The following MRPS9 variants were observed in gnomAD, a reference collection of about 807,000 sequenced individuals.
The protein encoded by MRPS9 is mitochondrial ribosomal protein S9.
A neutral mutation model predicts 59.9 loss-of-function variants in MRPS9; 45 were observed. The ratio of observed to expected loss-of-function variants is 0.75; its 90% CI spans 0.59 to 0.96. The LOEUF (loss-of-function observed/expected upper bound fraction) is 0.96. Ranked by LOEUF, MRPS9 falls within the 40% of genes least tolerant of loss-of-function variation. MRPS9 has a pLI of 0.00. For missense variants in MRPS9, 473 were observed against 481.1 expected, an observed-to-expected ratio of 0.98 and a Z score of 0.16; for synonymous variants, 171 against 166.8, an observed-to-expected ratio of 1.03 and a Z score of -0.19.
At chr2:105,068,106 A>G (rs1399799559) in intron 2 of MRPS9, among the ~76,000 whole-genome samples, 1 of 152,194 alleles carries the variant, frequency 6.6e-6, no homozygotes, top group African/African-American at 2.4e-5. Context: ...CATTTCTCCA[A>G]GGTACTTGGT....
At chr2:105,060,829 G>A (rs1188382131) in intron 2 of MRPS9, among the ~76,000 whole-genome samples, 5 of 151,682 alleles carry the variant, frequency 3.3e-5, no homozygotes, top group Admixed American at 2.0e-4. Context: ...GTTAAATATC[G>A]TGCCGGGTGC....
intron 9 of MRPS9, among the ~76,000 whole-genome samples, chr2:105,096,549 G>A (rs1281107001): frequency 6.6e-6 from 1 of 152,156 alleles, no homozygotes; most frequent in Non-Finnish European, 1.5e-5. Flanking sequence ...CAGGGGTTGT[G>A]TAGAATGTCA....
At chr2:105,084,637 C>A (rs962357646) in intron 5 of MRPS9, among the ~76,000 whole-genome samples, 1 of 152,148 alleles carries the variant, frequency 6.6e-6, no homozygotes, top group African/African-American at 2.4e-5. Flanking sequence ...GATAGTGACC[C>A]TTCTCGCAGT....
intron 2 of MRPS9, among the ~76,000 whole-genome samples, chr2:105,056,118 GT>G (rs1679787092): frequency 1.3e-5 from 2 of 151,234 alleles, no homozygotes; most frequent in Non-Finnish European, 2.9e-5. Flanking sequence ...TATGTTATGT[GT>G]GAAGTGCCAT....
At chr2:105,067,884 G>T (rs1680033305) in intron 2 of MRPS9, among the ~76,000 whole-genome samples, 1 of 152,162 alleles carries the variant, frequency 6.6e-6, no homozygotes, top group South Asian at 2.1e-4. Flanking sequence ...CTATAGTGTA[G>T]TGATGCTGTC....
At chr2:105,070,266 G>T (rs1680089531) in intron 2 of MRPS9, among the ~76,000 whole-genome samples, 1 of 151,954 alleles carries the variant, frequency 6.6e-6, no homozygotes, top group Admixed American at 6.6e-5. Flanking sequence ...CACCGTGCCT[G>T]ACCTAGGTTT....
At chr2:105,046,283 G>A (rs1679592524) in intron 1 of MRPS9, among the ~76,000 whole-genome samples, 1 of 141,940 alleles carries the variant, frequency 7.0e-6, no homozygotes, top group Non-Finnish European at 1.5e-5. Context: ...TCAGCAGACA[G>A]ACCATCTTCT....
At chr2:105,067,828 A>C (rs1680031996) in intron 2 of MRPS9, among the ~76,000 whole-genome samples, 1 of 151,972 alleles carries the variant, frequency 6.6e-6, no homozygotes, top group African/African-American at 2.4e-5. Flanking sequence ...AAGCATTATC[A>C]TTATTCTTTT....
chr2:105,075,091 A>G (rs1421660051), intron 4 of MRPS9, among the ~76,000 whole-genome samples: 2 of 152,186 alleles, frequency 1.3e-5, no homozygotes, highest in Non-Finnish European at 2.9e-5. Flanking sequence ...AGATTCTCAT[A>G]AGGAGCATGC....
chr2:105,073,162 TTC>T, intron 4 of MRPS9, among the ~76,000 whole-genome samples: 1 of 152,256 alleles, frequency 6.6e-6, no homozygotes, highest in East Asian at 1.9e-4. Flanking sequence ...CCTCACCTAT[TTC>T]TCTCTCTCTT....
At chr2:105,042,962 C>T (rs1679526802) in intron 1 of MRPS9, among the ~76,000 whole-genome samples, 1 of 151,992 alleles carries the variant, frequency 6.6e-6, no homozygotes, top group Non-Finnish European at 1.5e-5. Context: ...TTCTCCCCTC[C>T]CACCCCCCAG....
rs1679429476 is a variant in MRPS9, at chr2:105,038,326, G to A, written c.135+99G>A. On this transcript the variant is annotated intron_variant, in intron 1 of 10. Transcript: ENST00000258455. ...CCAGCGTCTCGCGTGCCTTCAGGCA[G>A]GGACTCTAGGATCTTAGGTATTTAG... The A allele has an allele frequency of 8.2e-6, 12 of 1,470,120 alleles. No homozygotes were observed. In the Admixed American group the frequency reaches 2.3e-4, roughly 28 times the overall value. The allele number at this position is 1,470,120 out of a possible 1,614,324, so 91.1% of individuals were successfully genotyped here.
intron 10 of MRPS9, among the ~76,000 whole-genome samples, chr2:105,098,415 A>G (rs1304235525): frequency 6.6e-6 from 1 of 152,204 alleles, no homozygotes; most frequent in Non-Finnish European, 1.5e-5. Context: ...CTGAGGTTCA[A>G]TAAAAACACT....
chr2:105,074,657 T>TA (rs1048639312), intron 4 of MRPS9, among the ~76,000 whole-genome samples: 25 of 152,318 alleles, frequency 1.6e-4, no homozygotes, highest in African/African-American at 5.8e-4. Flanking sequence ...ACCAAGGACG[T>TA]AACAGCCAGG....
intron 8 of MRPS9, 34 bp downstream of exon 8, chr2:105,092,603 G>GT (rs770426151): frequency 2.1e-6 from 3 of 1,445,866 alleles, no homozygotes; most frequent in Non-Finnish European, 2.8e-6. Context: ...AATAAATTCA[G>GT]TGAAGGTTGA....
At chr2:105,055,836 G>T (rs1415084586) in intron 2 of MRPS9, among the ~76,000 whole-genome samples, 2 of 152,110 alleles carry the variant, frequency 1.3e-5, no homozygotes, top group Non-Finnish European at 2.9e-5. Flanking sequence ...CTGCAACAAT[G>T]GGTTATTCCT....
At chr2:105,062,782 G>A (rs1280248740) in intron 2 of MRPS9, among the ~76,000 whole-genome samples, 3 of 152,196 alleles carry the variant, frequency 2.0e-5, no homozygotes, top group Non-Finnish European at 4.4e-5. Context: ...ATGTCAGTGA[G>A]CGTAGTAGCC....
intron 2 of MRPS9, among the ~76,000 whole-genome samples, chr2:105,068,239 A>C (rs1680040382): frequency 6.6e-6 from 1 of 152,230 alleles, no homozygotes; most frequent in African/African-American, 2.4e-5. Flanking sequence ...TACAGGAAAT[A>C]GTTTTTAAGA....
At chr2:105,074,802 G>T (rs1443353475) in intron 4 of MRPS9, among the ~76,000 whole-genome samples, 1 of 152,170 alleles carries the variant, frequency 6.6e-6, no homozygotes, top group Non-Finnish European at 1.5e-5. Flanking sequence ...TCAATCAGGA[G>T]AATAGTGGTT....
Sources: gnomAD v4.1 joint callset for allele counts (sites outside exome capture counted in the v4.1 genomes callset) on GRCh38, gnomAD v4.1.1 for gene constraint, MANE v1.5 for transcripts, NCBI Gene and HGNC (gene_info 2026-07-23, HGNC 2026-07-21) for gene names.